RNF141: variants seen among roughly 807,000 people sequenced by gnomAD.
The protein encoded by RNF141 is ring finger protein 141, also known as C3HC4-like zinc finger protein.
Under a neutral mutation model 27.4 loss-of-function variants are expected in RNF141, and 18 were observed. That is an observed-to-expected ratio of 0.66 (90% CI 0.45 to 0.97). The LOEUF is 0.97. Among genes scored for constraint, RNF141 ranks in the 50% least tolerant of loss-of-function variants. RNF141 has a pLI of 0.00. For missense variants in RNF141, 230 were observed against 279.4 expected (o/e 0.82, Z 1.26); for synonymous variants, 97 against 96.6 (o/e 1.00, Z -0.02).
chr11:10,519,574 A>G (rs1210480761), intron 4 of RNF141, among the ~76,000 whole-genome samples: 1 of 148,682 alleles, frequency 6.7e-6, no homozygotes, highest in Non-Finnish European at 1.5e-5. Context: ...ACTTATACAA[A>G]CCTAGATGGT....
chr11:10,530,667 C>T lies in RNF141; in HGVS notation c.228G>A (p.Val76=). The change falls in exon 3 of 6, where the codon GTG becomes GTA. Residue 76 remains valine (V), a synonymous_variant. Transcript: ENST00000265981. ...CCTTGGTACAGACCACCCGTACAAC[C>T]ACTTTCCAAAAAGCAGAGGAATCAG... ...PGSDSSAFWK[V]VVRVVCTKIN... 6.2e-7 allele frequency: 1 copy of T among 1,610,532 alleles called. No homozygotes were observed. Among genetic ancestry groups the T allele is most frequent in the Non-Finnish European group, 8.5e-7 (1 of 1,177,780 alleles).
rs1849977676 is a variant in RNF141, at chr11:10,530,646, G to A, written c.249C>T (p.Thr83=). The change falls in exon 3 of 6, where the codon ACC becomes ACT. Residue 83 remains threonine, a synonymous_variant. Coordinates refer to ENST00000265981, the MANE Select transcript of RNF141 (RefSeq NM_016422.4). The stretch of plus-strand genomic sequence containing the variant: ...TAGAAGTCTCCATCAGTCTCACCTT[G>A]GTACAGACCACCCGTACAACCACTT... ...FWKVVVRVVC[T]KINKSSGIVE... is the part of the protein sequence containing the mutation. 1.3e-6 allele frequency: 2 copies of A among 1,585,272 alleles called. No individual in the cohort carries two copies. The highest frequency in any genetic ancestry group is 1.7e-5 in the Admixed American group (1 of 59,144).
At chr11:10,519,277 G>A (rs1849867249) in intron 4 of RNF141, 136 bp from the exon 5 acceptor site, 2 of 540,746 alleles carry the variant, frequency 3.7e-6, no homozygotes, top group Non-Finnish European at 6.2e-6. Flanking sequence ...TGCAAAATCA[G>A]ACTAAAATTA....
At chr11:10,526,802 A>C (rs1849940077) in intron 3 of RNF141, among the ~76,000 whole-genome samples, 2 of 151,840 alleles carry the variant, frequency 1.3e-5, no homozygotes, top group Non-Finnish European at 2.9e-5. Flanking sequence ...AAAAAGAATG[A>C]GTCATATACC....
Position 10,512,233 on chromosome 11 carries a change from T to A in RNF141, c.*2683A>T, listed in dbSNP as rs1415185378. On this transcript the variant is annotated 3_prime_UTR_variant, in exon 6 of 6. Coordinates refer to ENST00000265981, the MANE Select transcript of RNF141 (RefSeq NM_016422.4). ...AAAGCTGTACAGAATACAAAAAGTG[T>A]ACATTTCATCCATTAAACAAATTTA... The A allele has an allele frequency of 3.9e-5, 6 of 152,632 alleles. No homozygotes were observed. In the East Asian group the frequency reaches 1.2e-3, roughly 29 times the overall value. The allele number at this position is 152,632 out of a possible 1,614,324, so 9.5% of individuals were successfully genotyped here. A position where few individuals can be genotyped will look rare whatever the true frequency, so the allele number is the denominator to read the frequency against.
At chr11:10,527,682 ATTTACATT>A in intron 3 of RNF141, among the ~76,000 whole-genome samples, 1 of 152,130 alleles carries the variant, frequency 6.6e-6, no homozygotes, top group Non-Finnish European at 1.5e-5. Context: ...ATATGATCTA[ATTTACATT>A]TCAAATTGTG....
chr11:10,531,287 A>T (rs568450407), intron 2 of RNF141, among the ~76,000 whole-genome samples: 80 of 150,834 alleles, frequency 5.3e-4, no homozygotes, highest in African/African-American at 1.9e-3. Context: ...AGGCAGGAGC[A>T]TTGCTTGAAC....
At position 10,525,374 on chromosome 11, in the gene RNF141, C is replaced by T; in HGVS notation, c.253-1G>A. On this transcript the variant is annotated splice_acceptor_variant, in intron 3 of 5. Coordinates refer to ENST00000265981, the MANE Select transcript of RNF141 (RefSeq NM_016422.4). LOFTEE classifies it high-confidence loss of function. ...CCACAATGCCACTGCTTTTGTTAAT[C>T]TAAAAATACAAAGAACATGAAAAAG... is the stretch of plus-strand genomic sequence containing the variant. The T allele has an allele frequency of 6.5e-7, 1 of 1,541,506 alleles. No individual in the cohort carries two copies.
intron 5 of RNF141, chr11:10,516,047 CCAAAGTAATTATTTGTAT>C (rs1849840794): frequency 6.6e-6 from 1 of 152,100 alleles, no homozygotes; most frequent in Non-Finnish European, 1.5e-5. Context: ...AAATCTGGGA[CCAAAGTAATTATTTGTAT>C]CAACTGCTCT....
chr11:10,538,126 T>C (rs1488879556), intron 1 of RNF141, among the ~76,000 whole-genome samples: 1 of 152,240 alleles, frequency 6.6e-6, no homozygotes, highest in African/African-American at 2.4e-5. Context: ...CAGCATTGTT[T>C]TCATCTGCTG....
intron 5 of RNF141, chr11:10,516,971 CCACAAAGTCTGG>C (rs1849848001): frequency 1.3e-5 from 2 of 151,812 alleles, no homozygotes; most frequent in Non-Finnish European, 2.9e-5. Flanking sequence ...ACAAAGTCTG[CCACAAAGTCTGG>C]CATCCAGTTG....
chr11:10,530,090 C>T (rs1849972528), intron 3 of RNF141, among the ~76,000 whole-genome samples: 1 of 152,118 alleles, frequency 6.6e-6, no homozygotes, highest in Non-Finnish European at 1.5e-5. Flanking sequence ...TTCATGCCTT[C>T]ATTTAATCAA....
At chr11:10,526,839 T>C (rs760477215) in intron 3 of RNF141, among the ~76,000 whole-genome samples, 7 of 152,022 alleles carry the variant, frequency 4.6e-5, no homozygotes, top group Non-Finnish European at 8.8e-5. Flanking sequence ...GAACCATCTC[T>C]AATAATCAGA....
chr11:10,527,755 T>G (rs547448582), intron 3 of RNF141, among the ~76,000 whole-genome samples: 1 of 152,142 alleles, frequency 6.6e-6, no homozygotes, highest in African/African-American at 2.4e-5. Context: ...GTGCTGAGAA[T>G]AGACAGAAGC....
rs2133962574 is a variant in RNF141, at chr11:10,512,645, A to C, written c.*2271T>G. 6.6e-6 allele frequency: 1 copy of C among 152,348 alleles called. No individual in the cohort carries two copies. Among genetic ancestry groups the C allele is most frequent in the South Asian group, 2.1e-4 (1 of 4,834 alleles). The allele number at this position is 152,348 out of a possible 1,614,324, so 9.4% of individuals were successfully genotyped here. A position where few individuals can be genotyped will look rare whatever the true frequency, so the allele number is the denominator to read the frequency against. On this transcript the variant is annotated 3_prime_UTR_variant, in exon 6 of 6. Transcript: ENST00000265981. The stretch of plus-strand genomic sequence containing the variant: ...CTAAAAGGACAATTTAAAATCTTAG[A>C]GCTGGAAAAGATTTCAGTGGATCAT...
In RNF141 at chr11:10,530,739, C is replaced by T; in HGVS notation, c.156G>A (p.Val52=). ...GAAGATGTTTTTCCTGGCCAGAAGC[C>T]ACTTTAGCCGTTCTGAAAAGAGACA... is the stretch of plus-strand genomic sequence containing the variant. The part of the protein sequence containing the change: ...VAELNDVTAK[V]ASGQEKHLLF... The change falls in exon 3 of 6, where the codon GTG becomes GTA. Residue 52 remains valine (V), a synonymous_variant. Coordinates refer to ENST00000265981, the MANE Select transcript of RNF141 (RefSeq NM_016422.4). 1.2e-6 allele frequency: 2 copies of T among 1,602,112 alleles called. No homozygotes were observed. Among genetic ancestry groups the T allele is most frequent in the East Asian group, 2.3e-5 (1 of 44,336 alleles).
intron 2 of RNF141, among the ~76,000 whole-genome samples, chr11:10,532,537 ACCC>A (rs202174143): frequency 1.1e-5 from 1 of 94,988 alleles, no homozygotes; most frequent in Non-Finnish European, 2.4e-5. Flanking sequence ...ACACACACAC[ACCC>A]CACAACTATA....
At chr11:10,521,108 C>T (rs542611958) in intron 4 of RNF141, among the ~76,000 whole-genome samples, 1 of 152,122 alleles carries the variant, frequency 6.6e-6, no homozygotes, top group Admixed American at 6.5e-5. Context: ...GATTTCAAAC[C>T]TTTTGCTCCA....
chr11:10,517,642 A>T (rs756787555), intron 5 of RNF141: 1 of 152,202 alleles, frequency 6.6e-6, no homozygotes, highest in Non-Finnish European at 1.5e-5. Context: ...TTACCTACAG[A>T]GGAAAAAAGG....
Sources: gnomAD v4.1 joint callset for allele counts (sites outside exome capture counted in the v4.1 genomes callset) on GRCh38, gnomAD v4.1.1 for gene constraint, MANE v1.5 for transcripts, NCBI Gene and HGNC (gene_info 2026-07-23, HGNC 2026-07-21) for gene names.